The following ZBTB20 variants were observed in gnomAD, a reference collection of about 807,000 sequenced individuals.
ZBTB20 encodes zinc finger and BTB domain containing 20.
A neutral mutation model predicts 56.9 loss-of-function variants in ZBTB20; 9 were observed. The ratio of observed to expected loss-of-function variants is 0.16; its 90% CI spans 0.10 to 0.28. The LOEUF (loss-of-function observed/expected upper bound fraction) is 0.28, where lower values mean the gene tolerates loss of function less well. Among genes scored for constraint, ZBTB20 ranks in the 10% least tolerant of loss-of-function variants. The probability of loss-of-function intolerance (pLI) is 1.00; values close to 1 mark genes in which losing one functional copy is unlikely to be tolerated. For missense variants in ZBTB20, 655 were observed against 1,003.0 expected (o/e 0.65, Z 4.69); for synonymous variants, 417 against 420.7 (o/e 0.99, Z 0.11).
intron 1 of ZBTB20, among the ~76,000 whole-genome samples, chr3:115,086,051 G>C (rs1488817093): frequency 1.3e-5 from 2 of 151,756 alleles, no homozygotes; most frequent in African/African-American, 4.8e-5. Flanking sequence ...TAATTTCTTA[G>C]AAATAAGTTG....
At chr3:114,536,934 C>T (rs1559927324) in intron 6 of ZBTB20, among the ~76,000 whole-genome samples, 1 of 151,928 alleles carries the variant, frequency 6.6e-6, no homozygotes, top group African/African-American at 2.4e-5. Context: ...CTGGCTAGCC[C>T]TATGCAGAAA....
intron 6 of ZBTB20, among the ~76,000 whole-genome samples, chr3:114,618,316 C>G (rs970101729): frequency 7.1e-6 from 1 of 140,584 alleles, no homozygotes; most frequent in Non-Finnish European, 1.5e-5. Flanking sequence ...GTGGTGCAAT[C>G]ATAGCTCAAT....
intron 5 of ZBTB20, chr3:114,743,896 T>G (rs1441340920): frequency 6.6e-6 from 1 of 152,222 alleles, no homozygotes; most frequent in East Asian, 1.9e-4. Flanking sequence ...ACAGCCTACA[T>G]TAGTTAGATA....
chr3:115,000,433 G>GT (rs1441265679), intron 2 of ZBTB20, among the ~76,000 whole-genome samples: 1 of 151,522 alleles, frequency 6.6e-6, no homozygotes, highest in Non-Finnish European at 1.5e-5. Context: ...AGGATTTAAA[G>GT]TAACAGTTTC....
chr3:114,847,102 A>C (rs4146802), intron 4 of ZBTB20, among the ~76,000 whole-genome samples: 135,791 of 152,158 alleles, frequency 0.89, 61,297 homozygotes, highest in East Asian at 0.97. Flanking sequence ...TTTTAGTACC[A>C]CAACCAATTA....
At chr3:114,892,938 T>G (rs911911430) in intron 4 of ZBTB20, among the ~76,000 whole-genome samples, 1 of 152,204 alleles carries the variant, frequency 6.6e-6, no homozygotes, top group African/African-American at 2.4e-5. Flanking sequence ...AAATTGGTTG[T>G]AGAAAGCACA....
intron 5 of ZBTB20, among the ~76,000 whole-genome samples, chr3:114,792,928 T>G (rs966965288): frequency 1.3e-5 from 2 of 148,662 alleles, no homozygotes; most frequent in Admixed American, 6.8e-5. Context: ...CAGGCTGGAG[T>G]GCAATGGTGC....
intron 6 of ZBTB20, among the ~76,000 whole-genome samples, chr3:114,536,846 C>G (rs918144968): frequency 2.0e-5 from 3 of 152,088 alleles, no homozygotes; most frequent in Admixed American, 6.6e-5. Context: ...ACATCTACAA[C>G]CATCTGATCT....
At chr3:114,921,934 T>C (rs2075976443) in intron 3 of ZBTB20, among the ~76,000 whole-genome samples, 1 of 152,094 alleles carries the variant, frequency 6.6e-6, no homozygotes, top group Non-Finnish European at 1.5e-5. Flanking sequence ...CTTAGATGAA[T>C]ATAGATACAA....
chr3:114,993,988 T>C (rs567401012), intron 2 of ZBTB20, among the ~76,000 whole-genome samples: 7 of 151,924 alleles, frequency 4.6e-5, no homozygotes, highest in East Asian at 1.9e-4. Context: ...AGGTGTAATA[T>C]ATTAGGCTAA....
chr3:114,866,772 G>A (rs1414912732), intron 4 of ZBTB20, among the ~76,000 whole-genome samples: 1 of 151,916 alleles, frequency 6.6e-6, no homozygotes, highest in Admixed American at 6.6e-5. Flanking sequence ...GCAGGTCTCT[G>A]GCCTAAGGAA....
intron 3 of ZBTB20, among the ~76,000 whole-genome samples, chr3:114,910,332 T>C (rs1041378302): frequency 1.3e-5 from 2 of 148,836 alleles, no homozygotes; most frequent in African/African-American, 5.0e-5. Context: ...CACACACACA[T>C]TACCAGGCCC....
At chr3:114,789,021 A>G (rs1188151110) in intron 5 of ZBTB20, among the ~76,000 whole-genome samples, 2 of 152,274 alleles carry the variant, frequency 1.3e-5, no homozygotes, top group East Asian at 3.9e-4. Flanking sequence ...CTCACACAAC[A>G]CACGAAGATT....
chr3:114,338,346 C>A lies in ZBTB20; in HGVS notation c.*659G>T, dbSNP rs1193233672. On this transcript the variant is annotated 3_prime_UTR_variant, in exon 12 of 12. Transcript: ENST00000675478. The stretch of plus-strand genomic sequence containing the variant: ...GAGAAGGTGGGCCAGGGTGTGTGGA[C>A]CCGGGCAGAATCTGGGGAAGAAGCC... 1 of 152,136 alleles carries A rather than the reference C, an allele frequency of 6.6e-6. No homozygotes were observed. Among genetic ancestry groups the A allele is most frequent in the South Asian group, 2.1e-4 (1 of 4,828 alleles). The allele number at this position is 152,136 out of a possible 1,614,324, so 9.4% of individuals were successfully genotyped here.
chr3:114,344,993 G>A (rs531763412), intron 11 of ZBTB20, among the ~76,000 whole-genome samples: 70 of 149,912 alleles, frequency 4.7e-4, no homozygotes, highest in African/African-American at 1.6e-3. Flanking sequence ...AAAAAAACAC[G>A]AAAGTGTGAA....
rs191466350 is a variant in ZBTB20 at position 114,610,939 on chromosome 3, C to T, written c.-295+82589G>A. ...TTGAATATATAAGTAATATATTAGT[C>T]AAATTTTTATCCTTCAAAAAATTTT... On this transcript the variant is annotated intron_variant, in intron 6 of 11. Transcript: ENST00000675478. Among the ~76,000 whole-genome samples the T allele has an allele frequency of 3.7e-4, 56 of 152,198 alleles. 1 individual carries two copies. Among genetic ancestry groups the T allele is most frequent in the African/African-American group, 1.3e-3 (53 of 41,536 alleles).
chr3:114,418,298 CTT>C (rs1270394741), intron 7 of ZBTB20, among the ~76,000 whole-genome samples: 3 of 152,028 alleles, frequency 2.0e-5, no homozygotes, highest in Non-Finnish European at 4.4e-5. Flanking sequence ...CTGTGACAGC[CTT>C]ATGGCTATTA....
At position 114,339,997 on chromosome 3, in the gene ZBTB20, C is replaced by T. The variant is rs780152178; in HGVS notation, c.1805-571G>A. Among the ~76,000 whole-genome samples the T allele has an allele frequency of 7.2e-5, 11 of 152,068 alleles. No individual in the cohort carries two copies. Among genetic ancestry groups the T allele is most frequent in the African/African-American group, 1.2e-4 (5 of 41,394 alleles). Reference sequence around the variant, plus strand: ...GAAAATATTTGCCAACACAGGAATACGTTATTTTGAAGAGCTATACTTTCA... The same window carrying T: ...GAAAATATTTGCCAACACAGGAATATGTTATTTTGAAGAGCTATACTTTCA... On this transcript the variant is annotated intron_variant, in intron 11 of 11. Transcript: ENST00000675478. The surrounding 1 kb of genome is among the most constrained non-coding windows in gnomAD (Gnocchi z 4.2).
intron 7 of ZBTB20, among the ~76,000 whole-genome samples, chr3:114,455,627 G>T (rs1391244196): frequency 5.3e-5 from 8 of 152,102 alleles, no homozygotes; most frequent in Admixed American, 4.6e-4. Context: ...AAGGATGCTG[G>T]AAGAAGAGGC....
Sources: allele counts gnomAD v4.1 joint callset (sites outside exome capture counted in the v4.1 genomes callset), GRCh38; gene constraint gnomAD v4.1.1; non-coding constraint Gnocchi (gnomAD v3.1); transcripts MANE v1.5; gene names NCBI Gene and HGNC (gene_info 2026-07-23, HGNC 2026-07-21).